SHANK2: variants seen among roughly 807,000 people sequenced by gnomAD.
SHANK2 encodes the protein SH3 and multiple ankyrin repeat domains protein 2.
In SHANK2, 43 loss-of-function variants were observed where a neutral mutation model predicts 133.7. The observed-to-expected ratio is 0.32, with a 90% CI of 0.25 to 0.41. The LOEUF (loss-of-function observed/expected upper bound fraction) is 0.41, where lower values mean the gene tolerates loss of function less well. Among genes scored for constraint, SHANK2 ranks in the 10% least tolerant of loss-of-function variants. The probability of loss-of-function intolerance (pLI) is 1.00; values close to 1 mark genes in which losing one functional copy is unlikely to be tolerated. For missense variants in SHANK2, 1,994 were observed against 2,235.8 expected, an observed-to-expected ratio of 0.89 and a Z score of 2.18; for synonymous variants, 1,017 against 952.8, an observed-to-expected ratio of 1.07 and a Z score of -1.24.
intron 10 of SHANK2, among the ~76,000 whole-genome samples, chr11:70,929,155 T>C (rs1030737614): frequency 6.6e-5 from 10 of 152,176 alleles, no homozygotes; most frequent in Non-Finnish European, 1.5e-4. Context: ...TTGCCATCTG[T>C]TAGTGGTGTG....
At chr11:70,636,106 C>G (rs1163211216) in intron 17 of SHANK2, among the ~76,000 whole-genome samples, 1 of 152,286 alleles carries the variant, frequency 6.6e-6, no homozygotes, top group African/African-American at 2.4e-5. Context: ...CTTGGGGAGC[C>G]TTCCCTGACC....
intron 10 of SHANK2, among the ~76,000 whole-genome samples, chr11:70,931,509 T>A (rs780892293): frequency 2.0e-5 from 3 of 152,182 alleles, no homozygotes; most frequent in Non-Finnish European, 4.4e-5. Context: ...GCTGCTGGCG[T>A]GGCCACGGCA....
chr11:71,116,719 G>T (rs1352238796), intron 4 of SHANK2, among the ~76,000 whole-genome samples: 1 of 152,198 alleles, frequency 6.6e-6, no homozygotes, highest in African/African-American at 2.4e-5. Context: ...TGTTGGAGGC[G>T]GGGCCAGGTG....
At chr11:70,854,339 G>A (rs1949135646) in intron 11 of SHANK2, among the ~76,000 whole-genome samples, 1 of 152,236 alleles carries the variant, frequency 6.6e-6, no homozygotes, top group South Asian at 2.1e-4. Flanking sequence ...CCAGCAGAGA[G>A]AAGGCTGCTG....
intron 14 of SHANK2, among the ~76,000 whole-genome samples, chr11:70,742,951 C>T (rs539797552): frequency 3.3e-5 from 5 of 152,358 alleles, no homozygotes; most frequent in South Asian, 2.1e-4. Flanking sequence ...CCTGGCCTGG[C>T]GTCCTTGGAT....
chr11:70,878,207 C>A (rs909799033), intron 11 of SHANK2, among the ~76,000 whole-genome samples: 1 of 152,180 alleles, frequency 6.6e-6, no homozygotes. Context: ...AGCCGCAGCT[C>A]CCTCCTGCTG....
chr11:70,781,553 A>G (rs753221171), intron 14 of SHANK2, among the ~76,000 whole-genome samples: 2 of 6,844 alleles, frequency 2.9e-4, no homozygotes, highest in Non-Finnish European at 8.9e-4. Flanking sequence ...CAATTTACTT[A>G]CTTATTATAT....
chr11:70,785,884 T>G (rs2135142614), intron 14 of SHANK2, among the ~76,000 whole-genome samples: 1 of 152,266 alleles, frequency 6.6e-6, no homozygotes, highest in African/African-American at 2.4e-5. Flanking sequence ...TCTGTCCGCT[T>G]CAGGGACTCT....
At chr11:70,726,888 C>T (rs1555030854) in intron 14 of SHANK2, among the ~76,000 whole-genome samples, 1 of 152,234 alleles carries the variant, frequency 6.6e-6, no homozygotes, top group Non-Finnish European at 1.5e-5. Flanking sequence ...GTCAGTAAGC[C>T]TGGGCTAGCC....
Position 70,617,546 on chromosome 11 carries a change from G to C in SHANK2, c.2061+42282C>G, listed in dbSNP as rs181693313. Among the ~76,000 whole-genome samples, 232 of 152,222 alleles carry C rather than the reference G, an allele frequency of 1.5e-3. 2 individuals carry two copies. Among genetic ancestry groups the C allele is most frequent in the East Asian group, 2.7e-3 (14 of 5,182 alleles). On this transcript the variant is annotated intron_variant, in intron 17 of 25. Coordinates refer to ENST00000601538, the MANE Select transcript of SHANK2 (RefSeq NM_012309.5). ...ATCGTGGGCTTCAGAGCAGAGCTAG[G>C]GGGCAGACGCAGCTGTCGCCACGGG...
intron 3 of SHANK2, among the ~76,000 whole-genome samples, chr11:71,123,685 G>A (rs10897613): frequency 0.38 from 58,234 of 152,062 alleles, 13,056 homozygotes; most frequent in East Asian, 0.58. Flanking sequence ...AGCCCTGCGA[G>A]GTGGCTATTC....
rs2058902527 is a variant in SHANK2 at position 70,492,435 on chromosome 11, T to C, written c.2339A>G (p.Lys780Arg). The C allele has an allele frequency of 6.2e-7, 1 of 1,614,014 alleles. No individual in the cohort carries two copies. Among genetic ancestry groups the C allele is most frequent in the South Asian group, 1.1e-5 (1 of 91,086 alleles). ...CATGTTCTCAGCAGCGCGGGAGGGC[T>C]TGGAGGCCGGGACTATCTCCTCGGG... ...DKPEEIVPAS[K>R]PSRAAENMAV... The change falls in exon 22 of 26, where the codon AAG becomes AGG. Residue 780 changes from lysine (K) to arginine (R), a missense_variant. By Grantham distance (26) the Lys-to-Arg change is conservative. Around this residue, in one of 5 missense-constraint regions of SHANK2, gnomAD observed 488 missense variants for 642.6 expected, o/e 0.76. Coordinates refer to ENST00000601538, the MANE Select transcript of SHANK2 (RefSeq NM_012309.5).
Position 70,807,804 on chromosome 11 carries a change from T to C in SHANK2, c.1494-633A>G, listed in dbSNP as rs951212413. On this transcript the variant is annotated intron_variant, in intron 12 of 25. Transcript: ENST00000601538. This position sits in a 1 kb window ranked among gnomAD's most constrained non-coding sequence, Gnocchi z 4.8. Reference sequence around the variant, plus strand: ...AAGACTGCACCATTGCACTCCAGCCTGGGTGACAGAGTGAGACTCTGTCTC... The same window carrying C: ...AAGACTGCACCATTGCACTCCAGCCCGGGTGACAGAGTGAGACTCTGTCTC... 4.0e-5 allele frequency among the ~76,000 whole-genome samples: 6 copies of C among 151,814 alleles called. No homozygotes were observed. Among genetic ancestry groups the C allele is most frequent in the African/African-American group, 1.5e-4 (6 of 41,272 alleles).
chr11:70,560,577 C>G (rs1174524368), intron 17 of SHANK2, among the ~76,000 whole-genome samples: 1 of 135,098 alleles, frequency 7.4e-6, no homozygotes, highest in Non-Finnish European at 1.5e-5. Context: ...AGCAAAACAA[C>G]TGTAAAAAAG....
At chr11:70,580,245 T>C (rs11236722) in intron 17 of SHANK2, among the ~76,000 whole-genome samples, 24,378 of 151,910 alleles carry the variant, frequency 0.16, 2,058 homozygotes, top group Non-Finnish European at 0.19. Context: ...AACAGGGGCG[T>C]GGGGTGGCTG....
chr11:70,836,454 C>A (rs1388282847), intron 11 of SHANK2, among the ~76,000 whole-genome samples: 1 of 152,182 alleles, frequency 6.6e-6, no homozygotes, highest in Non-Finnish European at 1.5e-5. Context: ...TTACAAAGTG[C>A]CAGGTATGGA....
At chr11:70,789,069 T>A (rs533086223) in intron 14 of SHANK2, among the ~76,000 whole-genome samples, 4 of 152,048 alleles carry the variant, frequency 2.6e-5, no homozygotes, top group Admixed American at 2.6e-4. Context: ...CGCTGGTAAA[T>A]TAGAGAGTGG....
intron 14 of SHANK2, among the ~76,000 whole-genome samples, chr11:70,747,968 G>A (rs569089970): frequency 2.6e-5 from 4 of 152,176 alleles, no homozygotes; most frequent in South Asian, 2.1e-4. Context: ...AATATTAGAC[G>A]AAAAAAGAGG....
At chr11:70,917,931 A>C (rs1046139678) in intron 10 of SHANK2, among the ~76,000 whole-genome samples, 6 of 152,190 alleles carry the variant, frequency 3.9e-5, no homozygotes, top group South Asian at 2.1e-4. Context: ...TGGTTGATGA[A>C]ATAATGTGTA....
Sources: allele counts gnomAD v4.1 joint callset (sites outside exome capture counted in the v4.1 genomes callset), GRCh38; gene constraint gnomAD v4.1.1; regional missense constraint gnomAD v4.1.1; non-coding constraint Gnocchi (gnomAD v3.1); transcripts MANE v1.5; gene names NCBI Gene and HGNC (gene_info 2026-07-23, HGNC 2026-07-21).